The following TSHZ2 variants were observed in gnomAD, a reference collection of about 807,000 sequenced individuals.
The protein encoded by TSHZ2 is teashirt zinc finger homeobox 2.
TSHZ2 carries 21 observed loss-of-function variants against 74.4 expected under a neutral mutation model. The ratio of observed to expected loss-of-function variants is 0.28; its 90% CI spans 0.20 to 0.41. The LOEUF (loss-of-function observed/expected upper bound fraction) is 0.41. Among genes scored for constraint, TSHZ2 ranks in the 10% least tolerant of loss-of-function variants. The pLI, the probability that TSHZ2 is intolerant of heterozygous loss-of-function variation, is 1.00. For missense variants in TSHZ2, 1,244 were observed against 1,293.5 expected, an observed-to-expected ratio of 0.96 and a Z score of 0.59; for synonymous variants, 540 against 515.3, an observed-to-expected ratio of 1.05 and a Z score of -0.65.
At chr20:53,320,333 C>T (rs772146645) in intron 2 of TSHZ2, among the ~76,000 whole-genome samples, 20 of 152,222 alleles carry the variant, frequency 1.3e-4, no homozygotes, top group Non-Finnish European at 2.4e-4. Context: ...TGAACTGAGG[C>T]AGTCTGGATC....
chr20:53,267,397 A>C (rs1322557406), intron 2 of TSHZ2, among the ~76,000 whole-genome samples: 1 of 152,224 alleles, frequency 6.6e-6, no homozygotes, highest in African/African-American at 2.4e-5. Context: ...CCAGTGATGC[A>C]GTTTCTTTTA....
Position 53,107,685 on chromosome 20 carries a change from C to T in TSHZ2, c.40+134352C>T, listed in dbSNP as rs377180405. Among the ~76,000 whole-genome samples, 18 of 152,230 alleles carry T rather than the reference C, an allele frequency of 1.2e-4. No individual in the cohort carries two copies. The East Asian group carries it at 2.1e-3, about 18-fold the overall frequency. On this transcript the variant is annotated intron_variant, in intron 1 of 2. Transcript: ENST00000371497. Reference sequence around the variant, plus strand: ...GTTCATTCCCATGTGTGTGCATACACGTGGGTGCCGCACGTATCTTCCCAA... The same window carrying T: ...GTTCATTCCCATGTGTGTGCATACATGTGGGTGCCGCACGTATCTTCCCAA...
At chr20:53,010,933 C>T (rs1214529614) in intron 1 of TSHZ2, among the ~76,000 whole-genome samples, 2 of 152,018 alleles carry the variant, frequency 1.3e-5, no homozygotes, top group African/African-American at 4.8e-5. Context: ...TTCTTTATTA[C>T]GTTGTCTCTG....
chr20:53,456,589 T>G (rs1350688370), intron 2 of TSHZ2, among the ~76,000 whole-genome samples: 6 of 129,946 alleles, frequency 4.6e-5, no homozygotes, highest in Admixed American at 1.6e-4. Flanking sequence ...ATTTTGTCTT[T>G]TGTTGCCTTT....
intron 2 of TSHZ2, among the ~76,000 whole-genome samples, chr20:53,478,762 G>A (rs1986063713): frequency 6.6e-6 from 1 of 152,050 alleles, no homozygotes; most frequent in African/African-American, 2.4e-5. Context: ...CAGACTCACT[G>A]TTGACATTTT....
intron 2 of TSHZ2, among the ~76,000 whole-genome samples, chr20:53,325,602 C>T (rs890034719): frequency 2.0e-5 from 3 of 152,150 alleles, no homozygotes; most frequent in African/African-American, 4.8e-5. Flanking sequence ...CTTCTAGAAG[C>T]TCTCCTTAAG....
intron 2 of TSHZ2, among the ~76,000 whole-genome samples, chr20:53,278,999 C>T (rs755108378): frequency 4.6e-5 from 7 of 152,150 alleles, no homozygotes; most frequent in East Asian, 1.9e-4. Context: ...ATGTTATATG[C>T]GTTATATACA....
At chr20:53,383,161 G>A (rs1378782604) in intron 2 of TSHZ2, among the ~76,000 whole-genome samples, 1 of 152,064 alleles carries the variant, frequency 6.6e-6, no homozygotes, top group Admixed American at 6.6e-5. Context: ...TACTCGGGAG[G>A]CTGAGGTAGG....
At chr20:53,156,462 GA>G (rs1170660654) in intron 1 of TSHZ2, among the ~76,000 whole-genome samples, 3 of 152,172 alleles carry the variant, frequency 2.0e-5, no homozygotes, top group Non-Finnish European at 4.4e-5. Context: ...TCCAGAAGGA[GA>G]GCACTTTTGT....
At chr20:53,318,737 A>C (rs1979127533) in intron 2 of TSHZ2, among the ~76,000 whole-genome samples, 1 of 152,250 alleles carries the variant, frequency 6.6e-6, no homozygotes, top group Non-Finnish European at 1.5e-5. Context: ...CAAGGAAGTC[A>C]GCAGAGGGGG....
chr20:53,458,922 G>A (rs1317813282), intron 2 of TSHZ2, among the ~76,000 whole-genome samples: 2 of 152,192 alleles, frequency 1.3e-5, no homozygotes, highest in Non-Finnish European at 2.9e-5. Context: ...ACTGTGGTCT[G>A]AGAGATAGTT....
At chr20:53,245,982 T>C (rs1429505388) in intron 1 of TSHZ2, among the ~76,000 whole-genome samples, 1 of 151,828 alleles carries the variant, frequency 6.6e-6, no homozygotes, top group South Asian at 2.1e-4. Flanking sequence ...TACCTGGCAA[T>C]CCCAAACTCC....
At chr20:53,347,545 C>T (rs565811398) in intron 2 of TSHZ2, among the ~76,000 whole-genome samples, 9 of 152,294 alleles carry the variant, frequency 5.9e-5, no homozygotes, top group East Asian at 1.9e-4. Context: ...TATATGACTA[C>T]ACTGTATTAA....
intron 2 of TSHZ2, among the ~76,000 whole-genome samples, chr20:53,297,248 C>CT (rs35627909): frequency 0.5 from 60,186 of 121,138 alleles, 15,642 homozygotes; most frequent in Non-Finnish European, 0.57. Context: ...ATCTCAGAAT[C>CT]TTTTTTTTTT....
intron 1 of TSHZ2, among the ~76,000 whole-genome samples, chr20:53,197,426 T>A (rs1198085420): frequency 6.6e-6 from 1 of 152,222 alleles, no homozygotes; most frequent in Admixed American, 6.5e-5. Flanking sequence ...ATTTGTAACC[T>A]TTGGGGTTTC....
chr20:53,228,551 G>A (rs760685391), intron 1 of TSHZ2, among the ~76,000 whole-genome samples: 1 of 152,176 alleles, frequency 6.6e-6, no homozygotes, highest in Non-Finnish European at 1.5e-5. Context: ...TGGGCATTTT[G>A]GGAGGCTTAG....
At chr20:53,474,332 AAG>A (rs1327433931) in intron 2 of TSHZ2, among the ~76,000 whole-genome samples, 1 of 132,560 alleles carries the variant, frequency 7.5e-6, no homozygotes, top group Non-Finnish European at 1.6e-5. Context: ...TACAAGCCAG[AAG>A]AGAGTGGGGG....
At chr20:53,187,335 G>A (rs73620427) in intron 1 of TSHZ2, among the ~76,000 whole-genome samples, 1 of 152,168 alleles carries the variant, frequency 6.6e-6, no homozygotes, top group East Asian at 1.9e-4. Context: ...GGCCCCACCT[G>A]TGCCATTTGT....
At chr20:53,184,128 G>A (rs567005183) in intron 1 of TSHZ2, among the ~76,000 whole-genome samples, 244 of 152,216 alleles carry the variant, frequency 1.6e-3, no homozygotes, top group Middle Eastern at 6.8e-3. Flanking sequence ...GGCCTCTTGT[G>A]GGACTGTGGC....
Sources: allele counts gnomAD v4.1 joint callset (sites outside exome capture counted in the v4.1 genomes callset), GRCh38; gene constraint gnomAD v4.1.1; transcripts MANE v1.5; gene names NCBI Gene and HGNC (gene_info 2026-07-23, HGNC 2026-07-21).